The following TRPM3 variants were observed in gnomAD, a reference collection of about 807,000 sequenced individuals.
TRPM3 encodes long transient receptor potential channel 3.
A neutral mutation model predicts 181.2 loss-of-function variants in TRPM3; 77 were observed. The ratio of observed to expected loss-of-function variants is 0.42; its 90% CI spans 0.35 to 0.51. TRPM3 has a LOEUF of 0.51. Ranked by LOEUF, TRPM3 falls within the 20% of genes least tolerant of loss-of-function variation. The pLI is 0.01. For synonymous variants in TRPM3, 745 were observed against 796.4 expected (o/e 0.94, Z 1.09); for missense variants, 1,759 against 2,196.7 (o/e 0.80, Z 3.98).
chr9:70,598,851 A>G (rs755986915), intron 20 of TRPM3, among the ~76,000 whole-genome samples, 181 bp from the exon 21 acceptor site: 4 of 152,232 alleles, frequency 2.6e-5, no homozygotes, highest in African/African-American at 4.8e-5. Context: ...TTCAGCTGCA[A>G]TATTCCAAAG....
chr9:70,608,765 A>G (rs919774534), intron 19 of TRPM3, among the ~76,000 whole-genome samples: 1 of 152,102 alleles, frequency 6.6e-6, no homozygotes, highest in African/African-American at 2.4e-5. Flanking sequence ...ACTTGAATCC[A>G]GGAGATGGAG....
intron 11 of TRPM3, among the ~76,000 whole-genome samples, chr9:70,636,680 A>AAATAGTGATGGCTTTT: frequency 6.9e-6 from 1 of 145,662 alleles, no homozygotes; most frequent in Non-Finnish European, 1.5e-5. Context: ...AGATAATCTA[A>AAATAGTGATGGCTTTT]AATAGTGATG....
chr9:70,827,484 C>T lies in TRPM3; in HGVS notation c.973+363G>A, dbSNP rs148836583. The T allele has an allele frequency of 3.5e-3, 558 of 160,052 alleles. 4 individuals are homozygous for T. The highest frequency in any genetic ancestry group is 0.012 in the African/African-American group (521 of 41,920). 9.9% of individuals were successfully genotyped at this position (160,052 alleles called of 1,614,324 possible). A position where few individuals can be genotyped will look rare whatever the true frequency, so the allele number is the denominator to read the frequency against. ...CTAAGATCAAAATCTGATTCTTTTG[C>T]TTTTCTGTTTAGCCACCAAAAAGAG... On this transcript the variant is annotated intron_variant, in intron 6 of 25. Transcript: ENST00000677713.
At chr9:70,928,497 TCTTTCTTGA>T (rs1653483937) in intron 1 of TRPM3, among the ~76,000 whole-genome samples, 1 of 152,162 alleles carries the variant, frequency 6.6e-6, no homozygotes, top group Non-Finnish European at 1.5e-5. Context: ...AATTATGGTG[TCTTTCTTGA>T]CAATTTAATC....
At position 71,056,914 on chromosome 9, in the gene TRPM3, C is replaced by A. The variant is rs141951372; in HGVS notation, c.177+64264G>T. On this transcript the variant is annotated intron_variant, in intron 1 of 25. Coordinates refer to ENST00000677713, the MANE Select transcript of TRPM3 (RefSeq NM_001366145.2). ...ATCCACACTCTGGAACTTGTTTGGT[C>A]TTGAGAGGAAAATCGTATCAATGTA... Among the ~76,000 whole-genome samples the A allele has an allele frequency of 2.6e-3, 392 of 152,018 alleles. 1 individual carries two copies. Among genetic ancestry groups the A allele is most frequent in the African/African-American group, 9.1e-3 (377 of 41,492 alleles).
At chr9:70,851,833 T>C (rs1217054065) in intron 3 of TRPM3, among the ~76,000 whole-genome samples, 2 of 151,870 alleles carry the variant, frequency 1.3e-5, no homozygotes, top group Non-Finnish European at 2.9e-5. Flanking sequence ...AAAAAAAAAT[T>C]CCGGCCAGGC....
chr9:70,979,327 A>G (rs2097339299), intron 1 of TRPM3, among the ~76,000 whole-genome samples: 1 of 152,164 alleles, frequency 6.6e-6, no homozygotes, highest in African/African-American at 2.4e-5. Context: ...CAGACATGGG[A>G]AAAGTGGATG....
chr9:71,283,303 T>C lies in TRPM3; in HGVS notation c.183+163350A>G, dbSNP rs150132808. Among the ~76,000 whole-genome samples, 1,347 of 152,248 alleles carry C rather than the reference T, an allele frequency of 8.8e-3. 27 individuals carry two copies. The highest frequency in any genetic ancestry group is 0.031 in the African/African-American group (1,287 of 41,542). On this transcript the variant is annotated intron_variant, in intron 1 of 24. Transcript: ENST00000357533. Reference sequence around the variant, plus strand: ...TGTGTCAGCATTTCTTTCTTTCTTTTTCTTTCTTTCTTTTTGGAGACAGAG... The same window carrying C: ...TGTGTCAGCATTTCTTTCTTTCTTTCTCTTTCTTTCTTTTTGGAGACAGAG...
At chr9:70,969,553 A>C (rs988791367) in intron 1 of TRPM3, among the ~76,000 whole-genome samples, 15 of 144,160 alleles carry the variant, frequency 1.0e-4, no homozygotes, top group Non-Finnish European at 1.5e-4. Context: ...AATGAATAAG[A>C]AATGTAATCT....
At chr9:71,298,952 C>T (rs1179767601) in intron 1 of TRPM3, among the ~76,000 whole-genome samples, 1 of 152,072 alleles carries the variant, frequency 6.6e-6, no homozygotes, top group Non-Finnish European at 1.5e-5. Flanking sequence ...TTTTATTCCT[C>T]TCATTTCCAG....
intron 1 of TRPM3, among the ~76,000 whole-genome samples, chr9:71,033,345 A>T (rs995122909): frequency 6.6e-6 from 1 of 152,216 alleles, no homozygotes; most frequent in African/African-American, 2.4e-5. Flanking sequence ...TGTCATAGAT[A>T]AGTTCTTGTA....
intron 1 of TRPM3, among the ~76,000 whole-genome samples, chr9:70,986,928 A>G (rs1196093911): frequency 6.6e-6 from 1 of 151,814 alleles, no homozygotes; most frequent in African/African-American, 2.4e-5. Context: ...AATTTTCCAT[A>G]TCTGTGCTGT....
chr9:71,153,491 A>G (rs946893298), intron 1 of TRPM3, among the ~76,000 whole-genome samples: 3 of 151,902 alleles, frequency 2.0e-5, no homozygotes, highest in Non-Finnish European at 4.4e-5. Context: ...GGGTTTTGCC[A>G]TGTTGGCCAG....
chr9:71,207,980 C>G (rs2079229815), intron 1 of TRPM3, among the ~76,000 whole-genome samples: 1 of 152,090 alleles, frequency 6.6e-6, no homozygotes, highest in African/African-American at 2.4e-5. Flanking sequence ...CAGTTAACCC[C>G]TAGAGTGATG....
intron 1 of TRPM3, among the ~76,000 whole-genome samples, chr9:71,355,256 C>T (rs958600): frequency 6.6e-6 from 1 of 152,012 alleles, no homozygotes; most frequent in Non-Finnish European, 1.5e-5. Context: ...AAGTTTTTTA[C>T]AGATATGATC....
At chr9:71,217,738 A>G (rs2079984661) in intron 1 of TRPM3, among the ~76,000 whole-genome samples, 1 of 152,180 alleles carries the variant, frequency 6.6e-6, no homozygotes, top group South Asian at 2.1e-4. Context: ...GAGGTAATCC[A>G]CCGGGGAACC....
Position 70,545,126 on chromosome 9 carries a change from G to A in TRPM3, c.3707+4416C>T, listed in dbSNP as rs186104667. On this transcript the variant is annotated intron_variant, in intron 25 of 25. Coordinates refer to ENST00000677713, the MANE Select transcript of TRPM3 (RefSeq NM_001366145.2). Reference sequence around the variant, plus strand: ...AAGAGGAGTTAAGTAAATTGCTCAAGGTCACATAGCTAGTTATTGCAGAAT... The same window carrying A: ...AAGAGGAGTTAAGTAAATTGCTCAAAGTCACATAGCTAGTTATTGCAGAAT... Among the ~76,000 whole-genome samples the A allele has an allele frequency of 2.6e-5, 4 of 152,246 alleles. No homozygotes were observed. The East Asian group carries it at 7.7e-4, about 29-fold the overall frequency.
chr9:71,245,171 G>T (rs933557593), intron 1 of TRPM3, among the ~76,000 whole-genome samples: 2 of 152,038 alleles, frequency 1.3e-5, no homozygotes, highest in Admixed American at 6.6e-5. Context: ...AGAAGAGGCT[G>T]GGTATGGTAG....
intron 1 of TRPM3, among the ~76,000 whole-genome samples, chr9:71,307,298 G>C (rs2087439923): frequency 8.4e-6 from 1 of 119,550 alleles, no homozygotes; most frequent in Non-Finnish European, 2.0e-5. Flanking sequence ...TAGATGCTTT[G>C]ATCTTTATTT....
Sources: gnomAD v4.1 joint callset for allele counts (sites outside exome capture counted in the v4.1 genomes callset) on GRCh38, gnomAD v4.1.1 for gene constraint, MANE v1.5 for transcripts, NCBI Gene and HGNC (gene_info 2026-07-23, HGNC 2026-07-21) for gene names.